Variants in CCSER1 observed in about 807,000 individuals in gnomAD.
CCSER1 encodes serine-rich coiled-coil domain-containing protein 1.
In CCSER1, 41 loss-of-function variants were observed where a neutral mutation model predicts 82.0. That is an observed-to-expected ratio of 0.50 (90% confidence interval 0.39 to 0.65). The LOEUF (loss-of-function observed/expected upper bound fraction) is 0.65, where lower values mean the gene tolerates loss of function less well. Ranked by LOEUF, CCSER1 falls within the 30% of genes least tolerant of loss-of-function variation. CCSER1 has a pLI of 0.00. For synonymous variants in CCSER1, 414 were observed against 383.9 expected (o/e 1.08, Z -0.92); for missense variants, 1,119 against 1,064.2 (o/e 1.05, Z -0.72).
chr4:90,579,427 A>C (rs1781164548), intron 5 of CCSER1, among the ~76,000 whole-genome samples: 2 of 152,318 alleles, frequency 1.3e-5, no homozygotes, highest in South Asian at 4.1e-4. Flanking sequence ...CTAGCTACCA[A>C]TGACATAAAA....
rs1560716371 is a variant in CCSER1, at chr4:91,496,621, TATATATTTGA to T, written c.2218-101944_2218-101935del. On this transcript the variant is annotated intron_variant, in intron 10 of 10. Coordinates refer to ENST00000509176, the MANE Select transcript of CCSER1 (RefSeq NM_001145065.2). Reference sequence around the variant, plus strand: ...ATATTTGAATATATATATACACGAATATATATTTGAATATATATATATTCAATATATATTG... The same window carrying T: ...ATATTTGAATATATATATACACGAATATATATATATATTCAATATATATTG... Among the ~76,000 whole-genome samples the T allele has an allele frequency of 2.7e-4, 4 of 14,678 alleles. 2 individuals carry two copies. Among genetic ancestry groups the T allele is most frequent in the Non-Finnish European group, 8.9e-4 (4 of 4,512 alleles). The allele number at this position is 14,678 out of a possible 152,430, so 9.6% of individuals were successfully genotyped here.
chr4:90,649,253 T>C (rs543868376), intron 6 of CCSER1, among the ~76,000 whole-genome samples: 2 of 152,298 alleles, frequency 1.3e-5, no homozygotes, highest in Admixed American at 6.5e-5. Context: ...ATATGGAGTG[T>C]GGCAGTGGCA....
At chr4:90,276,640 C>G (rs2153457942) in intron 1 of CCSER1, among the ~76,000 whole-genome samples, 1 of 152,112 alleles carries the variant, frequency 6.6e-6, no homozygotes, top group East Asian at 1.9e-4. Flanking sequence ...GCCACTGTGC[C>G]TGGCCTTGAG....
intron 4 of CCSER1, among the ~76,000 whole-genome samples, chr4:90,442,139 TCAGA>T (rs1264912059): frequency 6.6e-6 from 1 of 152,122 alleles, no homozygotes; most frequent in African/African-American, 2.4e-5. Flanking sequence ...TAAATTCTGA[TCAGA>T]CAATCAAAAG....
At chr4:90,372,588 A>G (rs140312829) in intron 3 of CCSER1, among the ~76,000 whole-genome samples, 2,218 of 152,190 alleles carry the variant, frequency 0.015, 73 homozygotes, top group African/African-American at 0.05. Flanking sequence ...CATCTCTACT[A>G]AAAATCCAAA....
intron 9 of CCSER1, among the ~76,000 whole-genome samples, chr4:91,065,116 A>G (rs1720670250): frequency 6.6e-6 from 1 of 152,136 alleles, no homozygotes; most frequent in African/African-American, 2.4e-5. Context: ...GTGGCCTTAG[A>G]CCATGTTAAA....
chr4:90,642,727 C>T (rs994124397), intron 6 of CCSER1, among the ~76,000 whole-genome samples: 2 of 152,038 alleles, frequency 1.3e-5, no homozygotes, highest in African/African-American at 4.8e-5. Context: ...GTCTCAGCTA[C>T]GCCTGTAGTC....
At chr4:90,296,410 A>G (rs906162020) in intron 1 of CCSER1, among the ~76,000 whole-genome samples, 2 of 152,106 alleles carry the variant, frequency 1.3e-5, no homozygotes, top group Non-Finnish European at 2.9e-5. Context: ...CCAGATGAGT[A>G]GGATGCAAAA....
At chr4:90,166,920 A>T (rs1239868602) in intron 1 of CCSER1, among the ~76,000 whole-genome samples, 2 of 151,862 alleles carry the variant, frequency 1.3e-5, no homozygotes, top group Non-Finnish European at 2.9e-5. Context: ...GTCTTTTTTT[A>T]GTTTCTTTTA....
chr4:91,178,408 G>C (rs1305508329), intron 10 of CCSER1, among the ~76,000 whole-genome samples: 1 of 65,542 alleles, frequency 1.5e-5, no homozygotes, highest in East Asian at 4.1e-4. Flanking sequence ...GTTGACAGTG[G>C]GGTAAAGTCT....
chr4:90,850,497 C>G (rs912379525), intron 8 of CCSER1, among the ~76,000 whole-genome samples: 17 of 152,210 alleles, frequency 1.1e-4, no homozygotes, highest in African/African-American at 3.9e-4. Flanking sequence ...GCCATGGGAG[C>G]CCACTTCCTG....
At chr4:90,687,901 G>A (rs1374657526) in intron 6 of CCSER1, among the ~76,000 whole-genome samples, 1 of 152,058 alleles carries the variant, frequency 6.6e-6, no homozygotes, top group African/African-American at 2.4e-5. Flanking sequence ...AATAATTTTC[G>A]GATACCTGCG....
At chr4:90,395,210 A>G (rs1259021876) in intron 3 of CCSER1, among the ~76,000 whole-genome samples, 1 of 152,202 alleles carries the variant, frequency 6.6e-6, no homozygotes, top group Non-Finnish European at 1.5e-5. Context: ...CACTTAGTGT[A>G]ATGTCCTCCA....
intron 10 of CCSER1, among the ~76,000 whole-genome samples, chr4:91,592,572 C>G (rs1478448991): frequency 6.6e-6 from 1 of 150,784 alleles, no homozygotes; most frequent in Non-Finnish European, 1.5e-5. Flanking sequence ...ACAAAAGTTA[C>G]TACTTAGCTT....
At chr4:91,193,076 G>A (rs1314375473) in intron 10 of CCSER1, among the ~76,000 whole-genome samples, 2 of 151,992 alleles carry the variant, frequency 1.3e-5, no homozygotes, top group Admixed American at 1.3e-4. Context: ...GTTTTGTAAT[G>A]AATATTTGTG....
At chr4:91,127,244 T>A (rs908061310) in intron 10 of CCSER1, among the ~76,000 whole-genome samples, 1 of 152,054 alleles carries the variant, frequency 6.6e-6, no homozygotes, top group Non-Finnish European at 1.5e-5. Flanking sequence ...CCAAGGGCAC[T>A]ATATGGATAA....
At chr4:90,667,342 G>A (rs187847893) in intron 6 of CCSER1, among the ~76,000 whole-genome samples, 4 of 152,132 alleles carry the variant, frequency 2.6e-5, no homozygotes. Flanking sequence ...TTAAGTGTTA[G>A]CTACTATTAT....
intron 7 of CCSER1, among the ~76,000 whole-genome samples, chr4:90,744,603 C>T (rs1747102087): frequency 6.6e-6 from 1 of 152,078 alleles, no homozygotes; most frequent in African/African-American, 2.4e-5. Flanking sequence ...GACCAGGGGT[C>T]CACAACCATC....
At chr4:91,591,899 A>T (rs1764288542) in intron 10 of CCSER1, among the ~76,000 whole-genome samples, 1 of 152,164 alleles carries the variant, frequency 6.6e-6, no homozygotes, top group South Asian at 2.1e-4. Flanking sequence ...TTGCTTTGAT[A>T]TCTAATGCTG....
Sources: gnomAD v4.1 joint callset for allele counts (sites outside exome capture counted in the v4.1 genomes callset) on GRCh38, gnomAD v4.1.1 for gene constraint, MANE v1.5 for transcripts, NCBI Gene and HGNC (gene_info 2026-07-23, HGNC 2026-07-21) for gene names.